The following FASTKD1 variants were observed in gnomAD, a reference collection of about 807,000 sequenced individuals.
FASTKD1 encodes the protein FAST kinase domains 1.
Under a neutral mutation model 90.9 loss-of-function variants are expected in FASTKD1, and 94 were observed. That is an observed-to-expected ratio of 1.03 (90% CI 0.88 to 1.23). FASTKD1 has a LOEUF of 1.23. Among genes scored for constraint, FASTKD1 ranks in the 50% most tolerant of loss-of-function variants. The pLI is 0.00. For missense variants in FASTKD1, 945 were observed against 993.5 expected (o/e 0.95, Z 0.66); for synonymous variants, 319 against 345.8 (o/e 0.92, Z 0.86).
chr2:169,555,990 A>G (rs2105393141), intron 6 of FASTKD1, among the ~76,000 whole-genome samples: 1 of 152,008 alleles, frequency 6.6e-6, no homozygotes. Flanking sequence ...GACTGGGCAA[A>G]ATAGTAAGAC....
At chr2:169,557,635 A>G (rs1196504291) in intron 5 of FASTKD1, among the ~76,000 whole-genome samples, 1 of 152,196 alleles carries the variant, frequency 6.6e-6, no homozygotes, top group African/African-American at 2.4e-5. Context: ...AATACTAGAG[A>G]GCTAAGAAAT....
chr2:169,553,321 T>C (rs1269015258), intron 7 of FASTKD1, among the ~76,000 whole-genome samples: 2 of 134,822 alleles, frequency 1.5e-5, no homozygotes, highest in Non-Finnish European at 1.6e-5. Flanking sequence ...ATGCCTGGGC[T>C]AGTGTATCAT....
At chr2:169,535,454 T>G (rs1395854827) in intron 12 of FASTKD1, among the ~76,000 whole-genome samples, 1 of 100,562 alleles carries the variant, frequency 9.9e-6, no homozygotes, top group Non-Finnish European at 2.0e-5. Flanking sequence ...ATTTATTTAT[T>G]TATTTATTTA....
chr2:169,538,675 C>CAAAAA (rs35866271), intron 10 of FASTKD1, among the ~76,000 whole-genome samples: 2 of 90,948 alleles, frequency 2.2e-5, no homozygotes, highest in Non-Finnish European at 4.2e-5. Flanking sequence ...AACTCCGTCT[C>CAAAAA]AAAAAAAAAA....
At position 169,562,150 on chromosome 2, in the gene FASTKD1, A is replaced by G. The variant is rs924076527; in HGVS notation, c.572+1075T>C. 2.4e-4 allele frequency among the ~76,000 whole-genome samples: 35 copies of G among 146,404 alleles called. 10 individuals are homozygous for G. Among genetic ancestry groups the G allele is most frequent in the Non-Finnish European group, 6.0e-5 (4 of 66,248 alleles). ...TTAATTATTTATTAATTTATTGTAA[A>G]TTAATTATTTATTAATTTATTTTTT... On this transcript the variant is annotated intron_variant, in intron 4 of 14. Coordinates refer to ENST00000453153, the MANE Select transcript of FASTKD1 (RefSeq NM_024622.6).
At chr2:169,534,178 T>C (rs2105331067) in intron 12 of FASTKD1, among the ~76,000 whole-genome samples, 1 of 66,754 alleles carries the variant, frequency 1.5e-5, no homozygotes, top group Non-Finnish European at 2.6e-5. Context: ...AACAAGACCC[T>C]TTCTCAAAAA....
chr2:169,528,572 A>G lies in FASTKD1; in HGVS notation c.*1253T>C, dbSNP rs759140972. 6.6e-5 allele frequency among the ~76,000 whole-genome samples: 10 copies of G among 152,094 alleles called. No individual in the cohort carries two copies. Among genetic ancestry groups the G allele is most frequent in the Non-Finnish European group, 1.3e-4 (9 of 68,016 alleles). ...ACAGGGAGAAGCCATTATTCCCTCA[A>G]TGTGTAGGATTACACCAGGTCAAGA... On this transcript the variant is annotated 3_prime_UTR_variant, in exon 15 of 15. Transcript: ENST00000453153.
At chr2:169,557,087 A>G (rs1683353487) in intron 6 of FASTKD1, 100 bp downstream of exon 6, 1 of 761,062 alleles carries the variant, frequency 1.3e-6, no homozygotes, top group Admixed American at 2.1e-5. Context: ...ATTTCTTCAA[A>G]ACAACTGGTA....
intron 2 of FASTKD1, among the ~76,000 whole-genome samples, chr2:169,570,575 C>G (rs1311565885): frequency 6.6e-6 from 1 of 151,988 alleles, no homozygotes. Context: ...ACCAATACCC[C>G]CTAGAAAACA....
At chr2:169,560,866 A>C (rs1462199267) in intron 4 of FASTKD1, 81 bp from the exon 5 acceptor site, 1 of 874,236 alleles carries the variant, frequency 1.1e-6, no homozygotes, top group African/African-American at 2.8e-5. Context: ...TTTTTTTTGT[A>C]GAAACAGAGT....
rs1684259061 is a variant in FASTKD1, at chr2:169,572,020, T to C, written c.10A>G (p.Thr4Ala). The C allele has an allele frequency of 6.4e-7, 1 of 1,565,654 alleles. No homozygotes were observed. The highest frequency in any genetic ancestry group is 1.4e-5 in the African/African-American group (1 of 72,598). ...ACCAATGACTCTAGGAAAACAGGTGTTTTTTTCATTTATATCACAAGTTTT... is the reference window on the plus strand; with the variant it reads ...ACCAATGACTCTAGGAAAACAGGTGCTTTTTTCATTTATATCACAAGTTTT... The part of the protein sequence containing the change: MKK[T>A]PVFLESLVTN... The change falls in exon 2 of 15, where the codon ACA becomes GCA. Residue 4 changes from threonine to alanine, a missense_variant. Thr to Ala is a moderately conservative substitution (Grantham distance 58). Coordinates refer to ENST00000453153, the MANE Select transcript of FASTKD1 (RefSeq NM_024622.6).
At chr2:169,552,891 G>C (rs1214054550) in intron 7 of FASTKD1, among the ~76,000 whole-genome samples, 1 of 152,048 alleles carries the variant, frequency 6.6e-6, no homozygotes, top group Non-Finnish European at 1.5e-5. Context: ...TACCCCAAAA[G>C]CTACTGAAAT....
chr2:169,558,417 C>T (rs766178938), intron 5 of FASTKD1, among the ~76,000 whole-genome samples: 34 of 151,902 alleles, frequency 2.2e-4, no homozygotes, highest in Non-Finnish European at 4.4e-4. Flanking sequence ...ACCATTGCAC[C>T]TGCCATCACT....
chr2:169,543,262 G>A lies in FASTKD1; in HGVS notation c.1816+1459C>T, dbSNP rs866495356. 5.9e-5 allele frequency among the ~76,000 whole-genome samples: 9 copies of A among 152,196 alleles called. No individual in the cohort carries two copies. The East Asian group carries it at 1.4e-3, about 23-fold the overall frequency. ...GTGGATCACCTAAAGTCGGGAGTTC[G>A]AGACCAGCCTGACCAACATGGAGAA... On this transcript the variant is annotated intron_variant, in intron 9 of 14. Coordinates refer to ENST00000453153, the MANE Select transcript of FASTKD1 (RefSeq NM_024622.6).
At chr2:169,557,450 G>A (rs527945072) in intron 5 of FASTKD1, among the ~76,000 whole-genome samples, 153 bp from the exon 6 acceptor site, 3 of 151,880 alleles carry the variant, frequency 2.0e-5, no homozygotes, top group South Asian at 2.1e-4. Context: ...CACATTACTC[G>A]AATATAAAAT....
In FASTKD1 at chr2:169,550,395, T is replaced by C. The variant is rs543327924; in HGVS notation, c.1215-3691A>G. On this transcript the variant is annotated intron_variant, in intron 7 of 14. Coordinates refer to ENST00000453153, the MANE Select transcript of FASTKD1 (RefSeq NM_024622.6). The stretch of plus-strand genomic sequence containing the variant: ...TAGGAAAAAAAATACATATATGTAG[T>C]ATACAACAAGGAAATAAACTATATT... Among the ~76,000 whole-genome samples, 24 of 152,350 alleles carry C rather than the reference T, an allele frequency of 1.6e-4. No individual in the cohort carries two copies. The South Asian group carries it at 1.7e-3, about 11-fold the overall frequency.
intron 3 of FASTKD1, among the ~76,000 whole-genome samples, chr2:169,564,444 G>T (rs991850376): frequency 4.0e-5 from 6 of 151,782 alleles, no homozygotes; most frequent in Middle Eastern, 3.4e-3. Flanking sequence ...AATTTTTTTT[G>T]TGGGTACATA....
intron 6 of FASTKD1, among the ~76,000 whole-genome samples, chr2:169,556,110 G>A (rs1160399903): frequency 6.6e-6 from 1 of 152,032 alleles, no homozygotes; most frequent in Non-Finnish European, 1.5e-5. Flanking sequence ...AGGTTATGAT[G>A]CTCTGCTTGA....
At chr2:169,546,764 A>T in intron 7 of FASTKD1, 60 bp from the exon 8 acceptor site, 2 of 1,468,464 alleles carry the variant, frequency 1.4e-6, no homozygotes, top group Non-Finnish European at 1.8e-6. Context: ...ATATGTATTA[A>T]AATATGAATA....
Sources: gnomAD v4.1 joint callset for allele counts (sites outside exome capture counted in the v4.1 genomes callset) on GRCh38, gnomAD v4.1.1 for gene constraint, MANE v1.5 for transcripts, NCBI Gene and HGNC (gene_info 2026-07-23, HGNC 2026-07-21) for gene names.